The following SYNE2 variants were observed in gnomAD, a reference collection of about 807,000 sequenced individuals.
SYNE2 encodes the protein nesprin-2.
In SYNE2, 431 loss-of-function variants were observed where a neutral mutation model predicts 856.3. The ratio of observed to expected loss-of-function variants is 0.50; its 90% confidence interval spans 0.47 to 0.55. The LOEUF (loss-of-function observed/expected upper bound fraction) is 0.55. Ranked by LOEUF, SYNE2 falls within the 20% of genes least tolerant of loss-of-function variation. The pLI is 0.00. For synonymous variants in SYNE2, 2,923 were observed against 2,872.3 expected (o/e 1.02, Z -0.56); for missense variants, 8,129 against 8,023.2 (o/e 1.01, Z -0.50).
intron 81 of SYNE2, 123 bp downstream of exon 81, chr14:64,141,646 A>G: frequency 9.1e-7 from 1 of 1,100,006 alleles, no homozygotes; most frequent in Non-Finnish European, 1.3e-6. Flanking sequence ...GGCACCACTG[A>G]ATATAAGTCT....
chr14:64,188,566 A>T lies in SYNE2; in HGVS notation c.17729A>T (p.Gln5910Leu). Residue 5910 changes from glutamine (Q) to leucine (L), a missense_variant, in exon 98 of 116, where the codon CAG (glutamine) becomes CTG (leucine). Gln to Leu is a moderately radical substitution (Grantham distance 113). This residue lies in a region of SYNE2 where 5,410 missense variants were observed against 5,284.8 expected (regional missense o/e 1.02). Transcript: ENST00000555002. ...DLCLRVAIRK[Q>L]EIEDRLNTWV... ...CATTTGCAGGTGGCCATACGTAAACAGGAGATTGAAGACAGACTCAATACA... is the reference window on the plus strand; with the variant it reads ...CATTTGCAGGTGGCCATACGTAAACTGGAGATTGAAGACAGACTCAATACA... 6.2e-7 allele frequency: 1 copy of T among 1,614,248 alleles called. No individual in the cohort carries two copies. The highest frequency in any genetic ancestry group is 8.5e-7 in the Non-Finnish European group (1 of 1,180,050).
intron 22 of SYNE2, among the ~76,000 whole-genome samples, chr14:63,994,596 C>T (rs2096697963): frequency 6.6e-6 from 1 of 152,152 alleles, no homozygotes; most frequent in Non-Finnish European, 1.5e-5. Context: ...AATGTTAATA[C>T]ATTATTTTTT....
At chr14:64,146,251 A>G (rs2098185954) in intron 84 of SYNE2, 28 bp downstream of exon 84, 2 of 1,585,848 alleles carry the variant, frequency 1.3e-6, no homozygotes, top group African/African-American at 2.7e-5. Flanking sequence ...ATCCCACCCA[A>G]CCCGCGAGCT....
chr14:63,967,410 A>C (rs1349822119), intron 10 of SYNE2, among the ~76,000 whole-genome samples: 2 of 152,200 alleles, frequency 1.3e-5, no homozygotes, highest in African/African-American at 2.4e-5. Flanking sequence ...AAACAAACTC[A>C]TATTTTCCAT....
At chr14:63,944,131 A>G (rs893456225) in intron 6 of SYNE2, among the ~76,000 whole-genome samples, 7 of 151,270 alleles carry the variant, frequency 4.6e-5, no homozygotes, top group African/African-American at 7.3e-5. Flanking sequence ...ACCACTCACT[A>G]TAACTGCTAT....
intron 1 of SYNE2, among the ~76,000 whole-genome samples, chr14:63,858,196 A>T (rs894971445): frequency 6.7e-6 from 1 of 148,264 alleles, no homozygotes; most frequent in African/African-American, 2.5e-5. Flanking sequence ...GCTCACTGCA[A>T]CCTCTGCCTC....
intron 47 of SYNE2, 74 bp from the exon 48 acceptor site, chr14:64,051,483 A>G: frequency 7.4e-7 from 1 of 1,357,724 alleles, no homozygotes; most frequent in Non-Finnish European, 1.0e-6. Flanking sequence ...AATTTCTTCT[A>G]ATGATATTTA....
intron 1 of SYNE2, among the ~76,000 whole-genome samples, chr14:63,803,689 G>A (rs979561222): frequency 2.0e-5 from 3 of 152,214 alleles, no homozygotes; most frequent in African/African-American, 7.2e-5. Flanking sequence ...TCAAGCCTTG[G>A]CCAGCCCAGA....
chr14:64,024,321 TGAA>T lies in SYNE2; in HGVS notation c.5707_5709del (p.Lys1903del). 1 of 1,614,114 alleles carries T rather than the reference TGAA, an allele frequency of 6.2e-7. No individual in the cohort carries two copies. Among genetic ancestry groups the T allele is most frequent in the Non-Finnish European group, 8.5e-7 (1 of 1,179,988 alleles). ...CAGGTGGACAGCGTACTGAAGCATG[TGAA>T]GAAGCATCTGCCCAAAGCACATGTG... On this transcript the variant is annotated inframe_deletion, in exon 39 of 116. Transcript: ENST00000555002.
At chr14:64,209,803 G>C in intron 102 of SYNE2, 139 bp from the exon 103 acceptor site, 1 of 1,243,464 alleles carries the variant, frequency 8.0e-7, no homozygotes, top group Non-Finnish European at 1.2e-6. Context: ...GCTGGCATCA[G>C]GACTGGTGAA....
chr14:63,986,941 T>C (rs1034912875), intron 19 of SYNE2, among the ~76,000 whole-genome samples: 4 of 152,136 alleles, frequency 2.6e-5, no homozygotes, highest in African/African-American at 4.8e-5. Flanking sequence ...TATAGCTCAG[T>C]GCAGAGTACA....
intron 2 of SYNE2, among the ~76,000 whole-genome samples, chr14:63,939,520 A>G (rs928886829): frequency 2.7e-5 from 4 of 150,658 alleles, no homozygotes; most frequent in Non-Finnish European, 5.9e-5. Context: ...GCTAATTTTC[A>G]CATTTTTAGT....
chr14:63,948,778 G>A (rs2096087716), intron 6 of SYNE2, among the ~76,000 whole-genome samples: 1 of 76,340 alleles, frequency 1.3e-5, no homozygotes, highest in Admixed American at 1.5e-4. Context: ...ATGTATGTGT[G>A]TGTGTATATA....
chr14:63,954,991 T>C, intron 8 of SYNE2, 76 bp downstream of exon 8: 1 of 1,214,946 alleles, frequency 8.2e-7, no homozygotes, highest in Non-Finnish European at 1.2e-6. Flanking sequence ...TATCTATACA[T>C]GAATAAACAT....
chr14:63,980,515 C>T, intron 14 of SYNE2, 139 bp from the exon 15 acceptor site: 1 of 612,718 alleles, frequency 1.6e-6, no homozygotes, highest in South Asian at 1.9e-5. Context: ...TCCTGTTTTC[C>T]TACCAAATAT....
In SYNE2 at chr14:63,974,892, G is replaced by GTATATATATATATATA. The variant is rs145247655; in HGVS notation, c.1129-1661_1129-1646dup. Among the ~76,000 whole-genome samples the GTATATATATATATATA allele has an allele frequency of 4.3e-3, 289 of 67,102 alleles. 10 individuals carry two copies. The highest frequency in any genetic ancestry group is 8.8e-3 in the Middle Eastern group (1 of 114). 44.0% of individuals were successfully genotyped at this position (67,102 alleles called of 152,430 possible). A position where few individuals can be genotyped will look rare whatever the true frequency, so the allele number is the denominator to read the frequency against. ...TGTGTGTGTGTGTGTGTGTGTGTGT[G>GTATATATATATATATA]TATATATATATATATATATATATAT... On this transcript the variant is annotated intron_variant, in intron 11 of 115. Coordinates refer to ENST00000555002, the MANE Select transcript of SYNE2 (RefSeq NM_182914.3).
intron 2 of SYNE2, among the ~76,000 whole-genome samples, chr14:63,922,479 T>G (rs1595656477): frequency 6.6e-6 from 1 of 152,274 alleles, no homozygotes; most frequent in South Asian, 2.1e-4. Context: ...CAGCAAGCCG[T>G]CTGAGCCCCT....
chr14:63,858,278 T>G (rs960094316), intron 1 of SYNE2, among the ~76,000 whole-genome samples: 1 of 133,924 alleles, frequency 7.5e-6, no homozygotes, highest in African/African-American at 2.8e-5. Flanking sequence ...TTTTTTTTTT[T>G]TTTTTTTTTT....
rs1405394714 is a variant in SYNE2 at position 64,024,245 on chromosome 14, G to A, written c.5638-12G>A. On this transcript the variant is annotated splice_polypyrimidine_tract_variant and intron_variant, in intron 38 of 115. Coordinates refer to ENST00000555002, the MANE Select transcript of SYNE2 (RefSeq NM_182914.3). ...GCCAGGAGATTGTAATGGACTTTTT[G>A]TCTTTCTGAAGGATTTCTTGACTCT... 6.2e-7 allele frequency: 1 copy of A among 1,613,270 alleles called. No homozygotes were observed. The highest frequency in any genetic ancestry group is 8.5e-7 in the Non-Finnish European group (1 of 1,179,636).
Sources: gnomAD v4.1 joint callset for allele counts (sites outside exome capture counted in the v4.1 genomes callset) on GRCh38, gnomAD v4.1.1 for gene constraint, gnomAD v4.1.1 regional missense constraint, MANE v1.5 for transcripts, NCBI Gene and HGNC (gene_info 2026-07-23, HGNC 2026-07-21) for gene names.